Variants in SDK2 observed in about 807,000 individuals in gnomAD.
SDK2 encodes the protein protein sidekick-2.
SDK2 carries 105 observed loss-of-function variants against 253.9 expected under a neutral mutation model. The observed-to-expected ratio is 0.41, with a 90% CI of 0.35 to 0.49. The LOEUF (loss-of-function observed/expected upper bound fraction) is 0.49. Ranked by LOEUF, SDK2 falls within the 20% of genes least tolerant of loss-of-function variation. The probability of loss-of-function intolerance (pLI) is 0.06; values close to 1 mark genes in which losing one functional copy is unlikely to be tolerated. For synonymous variants in SDK2, 1,249 were observed against 1,234.9 expected (o/e 1.01, Z -0.24); for missense variants, 2,608 against 3,003.0 (o/e 0.87, Z 3.07).
chr17:73,382,341 T>C (rs2062837974), intron 33 of SDK2, among the ~76,000 whole-genome samples: 1 of 152,154 alleles, frequency 6.6e-6, no homozygotes, highest in African/African-American at 2.4e-5. Context: ...GCTGCCGTCT[T>C]CTACTACGAA....
chr17:73,430,005 C>T (rs917240422), intron 12 of SDK2, among the ~76,000 whole-genome samples: 1 of 152,186 alleles, frequency 6.6e-6, no homozygotes, highest in African/African-American at 2.4e-5. Context: ...CAGTTTCCCA[C>T]ATGTGCTTCT....
intron 1 of SDK2, among the ~76,000 whole-genome samples, chr17:73,525,225 C>A (rs2064116039): frequency 6.6e-6 from 1 of 152,162 alleles, no homozygotes; most frequent in Non-Finnish European, 1.5e-5. Context: ...CCATGGGGAA[C>A]TGACACAGGG....
intron 1 of SDK2, among the ~76,000 whole-genome samples, chr17:73,533,572 C>T (rs541676842): frequency 6.6e-6 from 1 of 152,338 alleles, no homozygotes; most frequent in South Asian, 2.1e-4. Context: ...CAGGGAGGTC[C>T]TCTCCACCTC....
chr17:73,469,077 C>T (rs1158438433), intron 3 of SDK2, among the ~76,000 whole-genome samples: 1 of 152,212 alleles, frequency 6.6e-6, no homozygotes, highest in Non-Finnish European at 1.5e-5. Context: ...CCCACCTCAG[C>T]CTCCCAAAGT....
At chr17:73,538,164 C>A (rs1178251044) in intron 1 of SDK2, among the ~76,000 whole-genome samples, 2 of 152,196 alleles carry the variant, frequency 1.3e-5, no homozygotes, top group Non-Finnish European at 2.9e-5. Flanking sequence ...AGCACAGACT[C>A]AGAAGCCAGA....
At chr17:73,348,152 G>A (rs1489170653) in intron 44 of SDK2, among the ~76,000 whole-genome samples, 1 of 152,194 alleles carries the variant, frequency 6.6e-6, no homozygotes, top group Non-Finnish European at 1.5e-5. Flanking sequence ...AGGGCTCCAG[G>A]GCACCCAGCC....
At chr17:73,502,597 A>G (rs1259775749) in intron 2 of SDK2, among the ~76,000 whole-genome samples, 1 of 152,256 alleles carries the variant, frequency 6.6e-6, no homozygotes, top group Non-Finnish European at 1.5e-5. Flanking sequence ...AATAAAAACC[A>G]TAATGCATGA....
At chr17:73,531,550 C>G (rs1444094205) in intron 1 of SDK2, among the ~76,000 whole-genome samples, 8 of 152,248 alleles carry the variant, frequency 5.3e-5, no homozygotes, top group Admixed American at 1.3e-4. Flanking sequence ...CTAAGTATTC[C>G]TTAAACTGGC....
At chr17:73,640,554 A>G (rs560824365) in intron 1 of SDK2, among the ~76,000 whole-genome samples, 13 of 152,160 alleles carry the variant, frequency 8.5e-5, no homozygotes, top group African/African-American at 3.1e-4. Context: ...CAAGCACGAC[A>G]CTCGGCCTCC....
chr17:73,361,541 T>C lies in SDK2; in HGVS notation c.5467+143A>G. 1.4e-6 allele frequency: 1 copy of C among 739,274 alleles called. No homozygotes were observed. The highest frequency in any genetic ancestry group is 2.1e-6 in the Non-Finnish European group (1 of 473,654). The allele number at this position is 739,274 out of a possible 1,614,324, so 45.8% of individuals were successfully genotyped here. On this transcript the variant is annotated intron_variant, in intron 39 of 44. Transcript: ENST00000392650. This position sits in a 1 kb window ranked among gnomAD's most constrained non-coding sequence, Gnocchi z 4.1. Reference sequence around the variant, plus strand: ...CGGGAGGAGGGAGCGGGGGGAGGGGTCACTGGGCACCAGGGGAAAGAGTGA... The same window carrying C: ...CGGGAGGAGGGAGCGGGGGGAGGGGCCACTGGGCACCAGGGGAAAGAGTGA...
intron 16 of SDK2, among the ~76,000 whole-genome samples, chr17:73,416,460 C>G (rs554427530): frequency 3.2e-4 from 48 of 152,096 alleles, no homozygotes; most frequent in Non-Finnish European, 5.9e-4. Flanking sequence ...CTTCAGCCTC[C>G]CAAAGTGCTG....
chr17:73,580,919 G>A (rs1241049504), intron 1 of SDK2, among the ~76,000 whole-genome samples: 1 of 152,176 alleles, frequency 6.6e-6, no homozygotes, highest in Non-Finnish European at 1.5e-5. Context: ...TTGAGTCAGG[G>A]TCTTGCTCTC....
In SDK2 at chr17:73,534,848, CT is replaced by C. The variant is rs2044746996; in HGVS notation, c.65-27252del. 6.6e-6 allele frequency among the ~76,000 whole-genome samples: 1 copy of C among 152,154 alleles called. No individual in the cohort carries two copies. Among genetic ancestry groups the C allele is most frequent in the South Asian group, 2.1e-4 (1 of 4,822 alleles). Reference sequence around the variant, plus strand: ...GCAGCGGGCCGGGCTCCCTGGACTCCTTTGCATCTTCTAGGCCTCCTTGTGG... The same window carrying C: ...GCAGCGGGCCGGGCTCCCTGGACTCCTTGCATCTTCTAGGCCTCCTTGTGG... On this transcript the variant is annotated intron_variant, in intron 1 of 44. Transcript: ENST00000392650. This position sits in a 1 kb window ranked among gnomAD's most constrained non-coding sequence, Gnocchi z 4.9.
rs771916510 is a variant in SDK2, at chr17:73,511,739, C to CT, written c.65-4143dup. On this transcript the variant is annotated intron_variant, in intron 1 of 44. Coordinates refer to ENST00000392650, the MANE Select transcript of SDK2 (RefSeq NM_001144952.2). This position sits in a 1 kb window ranked among gnomAD's most constrained non-coding sequence, Gnocchi z 4.9. ...TGGGAGGGACGCCCTACCTAGGACT[C>CT]TGAGCAGTGACAGCTGATTTTCCTC... Among the ~76,000 whole-genome samples, 7 of 152,186 alleles carry CT rather than the reference C, an allele frequency of 4.6e-5. No individual in the cohort carries two copies. The highest frequency in any genetic ancestry group is 1.0e-4 in the Non-Finnish European group (7 of 68,034).
chr17:73,351,406 G>A (rs117138288), intron 41 of SDK2, among the ~76,000 whole-genome samples: 3,440 of 152,210 alleles, frequency 0.023, 59 homozygotes, highest in Non-Finnish European at 0.034. Context: ...CACCGTTCCC[G>A]GCCCCTTTTC....
intron 1 of SDK2, among the ~76,000 whole-genome samples, chr17:73,548,667 T>A (rs2145832961): frequency 6.6e-6 from 1 of 152,318 alleles, no homozygotes; most frequent in East Asian, 1.9e-4. Flanking sequence ...CAGGAGGCCC[T>A]GGATAGCCTG....
At chr17:73,561,126 C>CGGG (rs2045226493) in intron 1 of SDK2, among the ~76,000 whole-genome samples, 1 of 152,202 alleles carries the variant, frequency 6.6e-6, no homozygotes, top group Admixed American at 6.5e-5. Context: ...ACCCCAGACT[C>CGGG]CACAACTTGG....
chr17:73,608,936 A>C (rs2045941016), intron 1 of SDK2, among the ~76,000 whole-genome samples: 1 of 152,182 alleles, frequency 6.6e-6, no homozygotes, highest in Admixed American at 6.5e-5. Context: ...GGATGATGAG[A>C]AGCAACTGAA....
At chr17:73,510,089 A>G (rs2063968839) in intron 1 of SDK2, among the ~76,000 whole-genome samples, 1 of 151,620 alleles carries the variant, frequency 6.6e-6, no homozygotes, top group South Asian at 2.1e-4. Context: ...GAGCATAAGG[A>G]AGGCCCAGAG....
Sources: allele counts gnomAD v4.1 joint callset (sites outside exome capture counted in the v4.1 genomes callset), GRCh38; gene constraint gnomAD v4.1.1; non-coding constraint Gnocchi (gnomAD v3.1); transcripts MANE v1.5; gene names NCBI Gene and HGNC (gene_info 2026-07-23, HGNC 2026-07-21).